The following PRMT8 variants were observed in gnomAD, a reference collection of about 807,000 sequenced individuals.
PRMT8 encodes protein arginine N-methyltransferase 8.
In PRMT8, 7 loss-of-function variants were observed where a neutral mutation model predicts 47.1. The ratio of observed to expected loss-of-function variants is 0.15; its 90% CI spans 0.08 to 0.28. The LOEUF (loss-of-function observed/expected upper bound fraction) is 0.28. Ranked by LOEUF, PRMT8 falls within the 10% of genes least tolerant of loss-of-function variation. The pLI is 1.00. For missense variants in PRMT8, 237 were observed against 505.4 expected (o/e 0.47, Z 5.09); for synonymous variants, 188 against 186.5 (o/e 1.01, Z -0.07).
intron 2 of PRMT8, among the ~76,000 whole-genome samples, chr12:3,547,770 A>G (rs1048866292): frequency 1.3e-5 from 2 of 152,270 alleles, no homozygotes; most frequent in Admixed American, 1.3e-4. Flanking sequence ...AAAGATCTAC[A>G]TAAATGGAGA....
chr12:3,504,514 G>GGGGGTCA (rs1865583077), intron 1 of PRMT8, among the ~76,000 whole-genome samples: 1 of 101,874 alleles, frequency 9.8e-6, no homozygotes, highest in African/African-American at 2.9e-5. Flanking sequence ...TAGGCTGCTC[G>GGGGGTCA]GGGGTCAGGG....
rs1206058736 is a variant in PRMT8, at chr12:3,576,144, A to G, written c.713-727A>G. 6.6e-6 allele frequency among the ~76,000 whole-genome samples: 1 copy of G among 152,204 alleles called. No homozygotes were observed. ...TCTTATGAGTAGCCCAAAGGGGACA[A>G]GGAGCACGGCTGACAAGGAGAGGGT... On this transcript the variant is annotated intron_variant, in intron 6 of 9. Coordinates refer to ENST00000382622, the MANE Select transcript of PRMT8 (RefSeq NM_019854.5). This position sits in a 1 kb window ranked among gnomAD's most constrained non-coding sequence, Gnocchi z 4.0.
intron 1 of PRMT8, among the ~76,000 whole-genome samples, chr12:3,482,971 G>A (rs1400645884): frequency 6.6e-6 from 1 of 152,350 alleles, no homozygotes; most frequent in African/African-American, 2.4e-5. Context: ...CCAGGTCTGT[G>A]TGGCTCTGAG....
chr12:3,387,646 G>T (rs2137043938), intron 1 of PRMT8, among the ~76,000 whole-genome samples: 1 of 152,288 alleles, frequency 6.6e-6, no homozygotes, highest in Middle Eastern at 3.4e-3. Context: ...CTTATTATGT[G>T]CCAAGAACTT....
In PRMT8 at chr12:3,569,620, C is replaced by T. The variant is rs141077386; in HGVS notation, c.712+56C>T. 133 of 1,426,770 alleles carry T rather than the reference C, an allele frequency of 9.3e-5. 1 individual carries two copies. The African/African-American group carries it at 1.7e-3, about 18-fold the overall frequency. 88.4% of individuals were successfully genotyped at this position (1,426,770 alleles called of 1,614,324 possible). ...TCCACTGCACAATTGGGGTGGGAGGCACTCCAGTGGGCCCGAGATGAGCAG... is the reference window on the plus strand; with the variant it reads ...TCCACTGCACAATTGGGGTGGGAGGTACTCCAGTGGGCCCGAGATGAGCAG... On this transcript the variant is annotated intron_variant, in intron 6 of 9. Coordinates refer to ENST00000382622, the MANE Select transcript of PRMT8 (RefSeq NM_019854.5). The surrounding 1 kb of genome is among the most constrained non-coding windows in gnomAD (Gnocchi z 8.2).
Position 3,593,054 on chromosome 12 carries a change from T to C in PRMT8, c.1102-45T>C, listed in dbSNP as rs551332742. 521 of 1,538,208 alleles carry C rather than the reference T, an allele frequency of 3.4e-4. 5 individuals are homozygous for C. The South Asian group carries it at 5.5e-3, about 16-fold the overall frequency. On this transcript the variant is annotated intron_variant, in intron 9 of 9. Transcript: ENST00000382622. This position sits in a 1 kb window ranked among gnomAD's most constrained non-coding sequence, Gnocchi z 4.8. ...GCCAGAGAGTGGGGCTGTGGCTTCA[T>C]ACCCAGACGGCCGCCTGACCCTTCG...
intron 1 of PRMT8, among the ~76,000 whole-genome samples, chr12:3,525,897 A>G (rs1865944132): frequency 6.6e-6 from 1 of 152,148 alleles, no homozygotes; most frequent in Non-Finnish European, 1.5e-5. Flanking sequence ...TACCATCTTA[A>G]CCATTTTTAA....
chr12:3,440,740 T>G (rs1428135261), intron 1 of PRMT8, among the ~76,000 whole-genome samples: 1 of 152,122 alleles, frequency 6.6e-6, no homozygotes, highest in Admixed American at 6.5e-5. Flanking sequence ...GCTCTAAAGA[T>G]TCCTGCAAAG....
rs56297133 is a variant in PRMT8, at chr12:3,412,016, T to C, written c.48+30574T>C. Among the ~76,000 whole-genome samples the C allele has an allele frequency of 1.4e-3, 218 of 152,356 alleles. 1 individual carries two copies. Among genetic ancestry groups the C allele is most frequent in the Non-Finnish European group, 2.6e-3 (177 of 68,030 alleles). On this transcript the variant is annotated intron_variant, in intron 1 of 9. Transcript: ENST00000452611. ...ATTGAAGATACAGGCATGCATTGTTTAACAATGGGGATATATTCTGAGAAT... is the reference window on the plus strand; with the variant it reads ...ATTGAAGATACAGGCATGCATTGTTCAACAATGGGGATATATTCTGAGAAT...
intron 1 of PRMT8, among the ~76,000 whole-genome samples, chr12:3,384,299 G>A (rs1281510273): frequency 6.6e-6 from 1 of 151,338 alleles, no homozygotes; most frequent in African/African-American, 2.4e-5. Flanking sequence ...ATCAGAATGG[G>A]CATTGGATTT....
Position 3,550,835 on chromosome 12 carries a change from C to T in PRMT8, c.417+744C>T, listed in dbSNP as rs2137176981. On this transcript the variant is annotated intron_variant, in intron 3 of 9. Coordinates refer to ENST00000382622, the MANE Select transcript of PRMT8 (RefSeq NM_019854.5). The surrounding 1 kb of genome is among the most constrained non-coding windows in gnomAD (Gnocchi z 5.1). ...TGATGACAGAGGGCCTGGGAAGGTC[C>T]AGAGCTGGAAAGAAACTAAAAAGAA... 6.6e-6 allele frequency: 1 copy of T among 152,308 alleles called. No individual in the cohort carries two copies. Among genetic ancestry groups the T allele is most frequent in the Admixed American group, 6.5e-5 (1 of 15,300 alleles). The allele number at this position is 152,308 out of a possible 1,614,324, so 9.4% of individuals were successfully genotyped here. A position where few individuals can be genotyped will look rare whatever the true frequency, so the allele number is the denominator to read the frequency against.
intron 1 of PRMT8, among the ~76,000 whole-genome samples, chr12:3,463,980 T>C (rs77192878): frequency 0.011 from 1,624 of 152,336 alleles, 12 homozygotes; most frequent in Non-Finnish European, 0.017. Context: ...TTAATATAAC[T>C]GGACCCACTG....
chr12:3,498,956 GT>G (rs1338468850), intron 1 of PRMT8, among the ~76,000 whole-genome samples: 13 of 152,140 alleles, frequency 8.5e-5, no homozygotes, highest in African/African-American at 3.1e-4. Context: ...CTTTCTTCTG[GT>G]TTCCCGTGGT....
chr12:3,496,199 G>GATACATATAT (rs1555085721), intron 1 of PRMT8, among the ~76,000 whole-genome samples: 2 of 31,354 alleles, frequency 6.4e-5, no homozygotes, highest in African/African-American at 2.7e-4. Context: ...TTTGGAAACT[G>GATACATATAT]ATATATATAT....
intron 1 of PRMT8, among the ~76,000 whole-genome samples, chr12:3,464,016 C>T (rs912448089): frequency 7.2e-5 from 11 of 152,102 alleles, no homozygotes; most frequent in South Asian, 4.1e-4. Context: ...ACAGAAGATA[C>T]GGGGCGGAGG....
rs550152425 is a variant in PRMT8 at position 3,491,832 on chromosome 12, C to G, written c.75+132C>G. ...CCCGCTCGCTTCTGCCGGCCTCCTC[C>G]TGTGTGTGTGTGTGTGTGTGTGTGT... On this transcript the variant is annotated intron_variant, in intron 1 of 9. Transcript: ENST00000382622. The G allele has an allele frequency of 5.0e-3, 2,661 of 536,320 alleles. 87 individuals carry two copies. The East Asian group carries it at 0.072, about 14-fold the overall frequency. 33.2% of individuals were successfully genotyped at this position (536,320 alleles called of 1,614,324 possible).
rs1162822704 is a variant in PRMT8, at chr12:3,409,719, T to G, written c.48+28277T>G. Among the ~76,000 whole-genome samples, 6 of 152,148 alleles carry G rather than the reference T, an allele frequency of 3.9e-5. No homozygotes were observed. The highest frequency in any genetic ancestry group is 1.2e-4 in the African/African-American group (5 of 41,422). On this transcript the variant is annotated intron_variant, in intron 1 of 9. Transcript: ENST00000452611. The surrounding 1 kb of genome is among the most constrained non-coding windows in gnomAD (Gnocchi z 4.4). The stretch of plus-strand genomic sequence containing the variant: ...GCTCAGCCCTGGAAGATGCAGCTGC[T>G]CAGCTCATCCAAGGCATTTATTTCC...
chr12:3,466,267 G>A (rs1185675486), intron 1 of PRMT8, among the ~76,000 whole-genome samples: 1 of 152,146 alleles, frequency 6.6e-6, no homozygotes, highest in Non-Finnish European at 1.5e-5. Context: ...TGGGCTCGTG[G>A]GACTGAGTGA....
intron 1 of PRMT8, among the ~76,000 whole-genome samples, chr12:3,398,399 C>T (rs1156344572): frequency 2.0e-5 from 3 of 152,182 alleles, no homozygotes; most frequent in Admixed American, 6.5e-5. Context: ...CAGTGCCTCA[C>T]AGTGTGGCTA....
Sources: allele counts gnomAD v4.1 joint callset (sites outside exome capture counted in the v4.1 genomes callset), GRCh38; gene constraint gnomAD v4.1.1; non-coding constraint Gnocchi (gnomAD v3.1); transcripts MANE v1.5; gene names NCBI Gene and HGNC (gene_info 2026-07-23, HGNC 2026-07-21).